The following KIF13B variants were observed in gnomAD, a reference collection of about 807,000 sequenced individuals.
KIF13B encodes the protein kinesin-like protein KIF13B.
In KIF13B, 127 loss-of-function variants were observed where a neutral mutation model predicts 222.0. That is an observed-to-expected ratio of 0.57 (90% CI 0.50 to 0.66). KIF13B has a LOEUF of 0.66. Among genes scored for constraint, KIF13B ranks in the 30% least tolerant of loss-of-function variants. The probability of loss-of-function intolerance (pLI) is 0.00; values close to 1 mark genes in which losing one functional copy is unlikely to be tolerated. For missense variants in KIF13B, 2,173 were observed against 2,379.0 expected, an observed-to-expected ratio of 0.91 and a Z score of 1.80; for synonymous variants, 976 against 919.0, an observed-to-expected ratio of 1.06 and a Z score of -1.12.
rs536522065 is a variant in KIF13B at position 29,134,731 on chromosome 8, A to G, written c.2614-521T>C. Among the ~76,000 whole-genome samples the G allele has an allele frequency of 1.8e-4, 28 of 152,370 alleles. No individual in the cohort carries two copies. The Middle Eastern group carries it at 0.01, about 56-fold the overall frequency. On this transcript the variant is annotated intron_variant, in intron 21 of 39. Transcript: ENST00000524189. The stretch of plus-strand genomic sequence containing the variant: ...GGTTCTCAACTGAAAATGTTACACA[A>G]TACTATACAACATTGTTTGGGAAAA...
intron 1 of KIF13B, among the ~76,000 whole-genome samples, chr8:29,262,771 G>A (rs1816730950): frequency 6.6e-6 from 1 of 150,878 alleles, no homozygotes; most frequent in Non-Finnish European, 1.5e-5. Flanking sequence ...ACGGCGCCAG[G>A]GACGGGGCTG....
intron 29 of KIF13B, among the ~76,000 whole-genome samples, chr8:29,120,659 T>G (rs111438549): frequency 0.064 from 30 of 466 alleles, 2 homozygotes; most frequent in Admixed American, 0.094. Context: ...TGTGTCTTTA[T>G]AGCAGCATGA....
intron 24 of KIF13B, among the ~76,000 whole-genome samples, chr8:29,127,948 T>C (rs1290862634): frequency 1.4e-4 from 22 of 151,854 alleles, no homozygotes; most frequent in Admixed American, 1.4e-3. Context: ...TGAAACACTA[T>C]ACAGTTGTTA....
chr8:29,067,501 A>G lies in KIF13B; in HGVS notation c.*3003T>C, dbSNP rs1807050778. 2.0e-5 allele frequency: 3 copies of G among 152,346 alleles called. No homozygotes were observed. Among genetic ancestry groups the G allele is most frequent in the South Asian group, 4.1e-4 (2 of 4,834 alleles). The allele number at this position is 152,346 out of a possible 1,614,324, so 9.4% of individuals were successfully genotyped here. A position where few individuals can be genotyped will look rare whatever the true frequency, so the allele number is the denominator to read the frequency against. On this transcript the variant is annotated 3_prime_UTR_variant, in exon 40 of 40. Coordinates refer to ENST00000524189, the MANE Select transcript of KIF13B (RefSeq NM_015254.4). ...ACTTCTTTATATGTGAACTCTTCGC[A>G]TTTACACGAATCCACACATAGAGAA...
At chr8:29,144,821 T>C (rs1183174972) in intron 18 of KIF13B, among the ~76,000 whole-genome samples, 1 of 152,114 alleles carries the variant, frequency 6.6e-6, no homozygotes, top group East Asian at 1.9e-4. Flanking sequence ...CAAAAAATAG[T>C]CTGTTGCACG....
chr8:29,070,577 G>C lies in KIF13B; in HGVS notation c.5408C>G (p.Ser1803Trp), dbSNP rs773872653. 1.2e-6 allele frequency: 2 copies of C among 1,604,104 alleles called. No individual in the cohort carries two copies. The highest frequency in any genetic ancestry group is 2.7e-5 in the African/African-American group (2 of 74,762). Residue 1803 changes from serine (S) to tryptophan (W), a missense_variant, in exon 40 of 40, where the codon TCG becomes TGG. Physicochemically the swap from Ser to Trp is radical, Grantham distance 177. Around this residue, in one of 2 missense-constraint regions of KIF13B, gnomAD observed 693 missense variants for 656.2 expected, o/e 1.06. Coordinates refer to ENST00000524189, the MANE Select transcript of KIF13B (RefSeq NM_015254.4). The surrounding 1 kb of genome is among the most constrained non-coding windows in gnomAD (Gnocchi z 4.1). ...GGCCTTGGCCAGGGCAGCTGTCAGC[G>C]AGGCCAGGTTGGTGGCGGAGCCCGA... is the stretch of plus-strand genomic sequence containing the variant. ...TLSGSATNLA[S>W]LTAALAKADR...
intron 37 of KIF13B, among the ~76,000 whole-genome samples, chr8:29,076,237 C>A (rs373024670): frequency 3.9e-5 from 6 of 152,226 alleles, no homozygotes; most frequent in African/African-American, 1.4e-4. Flanking sequence ...GCCCCTCCCC[C>A]TCCCCCTACC....
intron 9 of KIF13B, among the ~76,000 whole-genome samples, chr8:29,176,410 A>G (rs1271260582): frequency 2.0e-5 from 3 of 152,238 alleles, no homozygotes; most frequent in Non-Finnish European, 4.4e-5. Flanking sequence ...TAAAAATGTG[A>G]GCTATAAATC....
intron 13 of KIF13B, among the ~76,000 whole-genome samples, chr8:29,156,537 C>T (rs1032002483): frequency 2.6e-5 from 4 of 151,856 alleles, no homozygotes; most frequent in African/African-American, 9.7e-5. Flanking sequence ...ATTTTTGAGA[C>T]AGGGTCTTTT....
chr8:29,226,831 C>CG (rs531668274), intron 2 of KIF13B, among the ~76,000 whole-genome samples: 38 of 152,244 alleles, frequency 2.5e-4, no homozygotes, highest in Non-Finnish European at 4.0e-4. Flanking sequence ...GTTTAAGTTT[C>CG]GTTGTTAATT....
chr8:29,195,120 T>A (rs1029487274), intron 3 of KIF13B, among the ~76,000 whole-genome samples: 1 of 151,956 alleles, frequency 6.6e-6, no homozygotes, highest in Non-Finnish European at 1.5e-5. Flanking sequence ...TGGTGGTGGG[T>A]GCCTGTAATC....
intron 1 of KIF13B, among the ~76,000 whole-genome samples, chr8:29,247,271 C>T (rs1816068769): frequency 6.6e-6 from 1 of 152,104 alleles, no homozygotes; most frequent in East Asian, 1.9e-4. Context: ...ACCTATAGTT[C>T]CAACTACTGG....
chr8:29,211,392 G>C (rs879684579), intron 2 of KIF13B, among the ~76,000 whole-genome samples: 3 of 151,640 alleles, frequency 2.0e-5, no homozygotes, highest in Admixed American at 6.6e-5. Context: ...AGGAGAACAA[G>C]GGAAGTGAGC....
In KIF13B at chr8:29,160,864, G is replaced by A. The variant is rs765928491; in HGVS notation, c.1273C>T (p.Arg425Ter). The part of the protein sequence containing the change: ...LRKTEEIAQE[R>*]QKQLESLGIS... ...CCAAGACTCTCAAGCTGTTTCTGTCGTTCCTGTAAATGTTATCAGAGAAGT... is the reference window on the plus strand; with the variant it reads ...CCAAGACTCTCAAGCTGTTTCTGTCATTCCTGTAAATGTTATCAGAGAAGT... The change falls in exon 13 of 40, where the codon CGA (arginine) becomes TGA (stop). Residue 425 changes from arginine to a stop codon, truncating the protein, a stop_gained. Coordinates refer to ENST00000524189, the MANE Select transcript of KIF13B (RefSeq NM_015254.4). LOFTEE classifies it high-confidence loss of function. 13 of 1,612,740 alleles carry A rather than the reference G, an allele frequency of 8.1e-6. No homozygotes were observed. The highest frequency in any genetic ancestry group is 1.0e-5 in the Non-Finnish European group (12 of 1,179,172).
chr8:29,108,214 G>T (rs756384181), intron 34 of KIF13B, 22 bp from the exon 35 acceptor site: 2 of 1,607,836 alleles, frequency 1.2e-6, no homozygotes, highest in South Asian at 1.1e-5. Flanking sequence ...AGAAAGGGGG[G>T]TTAGTTATTT....
At chr8:29,204,411 C>T (rs748570704) in intron 2 of KIF13B, among the ~76,000 whole-genome samples, 7 of 152,156 alleles carry the variant, frequency 4.6e-5, no homozygotes, top group Admixed American at 6.5e-5. Flanking sequence ...TCCACTTTCA[C>T]TATAAGAAAG....
intron 32 of KIF13B, among the ~76,000 whole-genome samples, chr8:29,110,906 C>CA (rs1809326182): frequency 6.6e-6 from 1 of 152,140 alleles, no homozygotes; most frequent in African/African-American, 2.4e-5. Flanking sequence ...AACCATATGC[C>CA]ACTGCATCTT....
chr8:29,195,156 G>T (rs1813361082), intron 3 of KIF13B, among the ~76,000 whole-genome samples: 2 of 152,120 alleles, frequency 1.3e-5, no homozygotes, highest in Non-Finnish European at 1.5e-5. Flanking sequence ...GCTGAGGCAG[G>T]AGAATTGCTT....
In KIF13B at chr8:29,180,098, A is replaced by G. The variant is rs371760508; in HGVS notation, c.720+6T>C. 73 of 1,613,774 alleles carry G rather than the reference A, an allele frequency of 4.5e-5. No individual in the cohort carries two copies. In the African/African-American group the frequency reaches 9.2e-4, roughly 20 times the overall value. ...ATAAAAACAGGTCATGCATCTGAAC[A>G]CCTACCCCAGACTTCACATCGTAGA... On this transcript the variant is annotated splice_donor_region_variant and intron_variant, in intron 8 of 39. Transcript: ENST00000524189.
Sources: allele counts gnomAD v4.1 joint callset (sites outside exome capture counted in the v4.1 genomes callset), GRCh38; gene constraint gnomAD v4.1.1; regional missense constraint gnomAD v4.1.1; non-coding constraint Gnocchi (gnomAD v3.1); transcripts MANE v1.5; gene names NCBI Gene and HGNC (gene_info 2026-07-23, HGNC 2026-07-21).